ATP2C1: variants seen among roughly 807,000 people sequenced by gnomAD.
ATP2C1 encodes ATPase secretory pathway Ca2+ transporting 1, also known as calcium-transporting ATPase type 2C member 1.
A neutral mutation model predicts 120.5 loss-of-function variants in ATP2C1; 31 were observed. The observed-to-expected ratio is 0.26, with a 90% CI of 0.19 to 0.35. ATP2C1 has a LOEUF of 0.35. Among genes scored for constraint, ATP2C1 ranks in the 10% least tolerant of loss-of-function variants. The pLI is 1.00. For synonymous variants in ATP2C1, 351 were observed against 358.7 expected, an observed-to-expected ratio of 0.98 and a Z score of 0.24; for missense variants, 731 against 1,107.5, an observed-to-expected ratio of 0.66 and a Z score of 4.83.
intron 2 of ATP2C1, among the ~76,000 whole-genome samples, chr3:130,912,823 A>G (rs2058496822): frequency 1.3e-5 from 2 of 152,112 alleles, no homozygotes; most frequent in African/African-American, 4.8e-5. Context: ...TTGCGGCATT[A>G]TTCACAATAG....
At chr3:130,970,369 TACACACACACACACACACAC>T (rs201337484) in intron 17 of ATP2C1, among the ~76,000 whole-genome samples, 10 of 130,730 alleles carry the variant, frequency 7.6e-5, no homozygotes, top group Admixed American at 3.1e-4. Flanking sequence ...AAAAAAAAAT[TACACACACACACACACACAC>T]ACACACACAC....
At chr3:130,854,640 A>T (rs1219224668) in intron 1 of ATP2C1, among the ~76,000 whole-genome samples, 1 of 152,106 alleles carries the variant, frequency 6.6e-6, no homozygotes, top group Non-Finnish European at 1.5e-5. Flanking sequence ...TAGCCTGGAG[A>T]TGCCTGCCAA....
chr3:130,943,782 G>A (rs1297261077), intron 8 of ATP2C1, among the ~76,000 whole-genome samples: 1 of 152,152 alleles, frequency 6.6e-6, no homozygotes, highest in African/African-American at 2.4e-5. Flanking sequence ...TACTTTGACT[G>A]CAGATTGAAA....
chr3:130,874,153 A>G (rs893864393), intron 1 of ATP2C1, among the ~76,000 whole-genome samples: 2 of 151,958 alleles, frequency 1.3e-5, no homozygotes, highest in African/African-American at 2.4e-5. Context: ...TAAGAAAAAA[A>G]TCTAGTGCCC....
intron 26 of ATP2C1, among the ~76,000 whole-genome samples, chr3:130,999,235 G>T (rs555205158): frequency 2.2e-4 from 33 of 152,218 alleles, no homozygotes; most frequent in African/African-American, 7.9e-4. Context: ...CTTGATGTTT[G>T]GGATGTTAAA....
chr3:130,865,302 C>T (rs559116618), intron 1 of ATP2C1, among the ~76,000 whole-genome samples: 1 of 152,308 alleles, frequency 6.6e-6, no homozygotes, highest in African/African-American at 2.4e-5. Context: ...CCTGTACCTC[C>T]ATTGTATCTA....
chr3:130,894,180 TC>T lies in ATP2C1; in HGVS notation c.-336del, dbSNP rs2107897366. 1.7e-6 allele frequency: 1 copy of T among 596,062 alleles called. No homozygotes were observed. The highest frequency in any genetic ancestry group is 1.6e-4 in the East Asian group (1 of 6,222). 36.9% of individuals were successfully genotyped at this position (596,062 alleles called of 1,614,324 possible). A position where few individuals can be genotyped will look rare whatever the true frequency, so the allele number is the denominator to read the frequency against. On this transcript the variant is annotated 5_prime_UTR_variant, in exon 1 of 28. Transcript: ENST00000510168. The surrounding 1 kb of genome is among the most constrained non-coding windows in gnomAD (Gnocchi z 4.5). Reference sequence around the variant, plus strand: ...CCCCGCCCGCCCTCTCTCCCTCCCTTCCTCCCTCCCGCTCGCTTCTTCTCAC... The same window carrying T: ...CCCCGCCCGCCCTCTCTCCCTCCCTTCTCCCTCCCGCTCGCTTCTTCTCAC...
rs117992663 is a variant in ATP2C1 at position 131,012,103 on chromosome 3, T to A, written c.2630-4049T>A. 3.4e-3 allele frequency among the ~76,000 whole-genome samples: 521 copies of A among 152,198 alleles called. 16 individuals carry two copies. The highest frequency in any genetic ancestry group is 0.023 in the Admixed American group (348 of 15,286). On this transcript the variant is annotated intron_variant, in intron 26 of 26. Transcript: ENST00000328560. ...GGACACTTTTAATGAAAGAAAAACA[T>A]GGTAGATGTAATTCAGTGGTTTTAA...
chr3:130,858,501 C>G (rs994668666), intron 1 of ATP2C1, among the ~76,000 whole-genome samples: 4 of 152,178 alleles, frequency 2.6e-5, no homozygotes, highest in Non-Finnish European at 4.4e-5. Flanking sequence ...TTCATTACAT[C>G]CTTTGAAGGC....
intron 2 of ATP2C1, among the ~76,000 whole-genome samples, chr3:130,907,734 T>C (rs533512711): frequency 1.3e-5 from 2 of 151,890 alleles, no homozygotes; most frequent in Admixed American, 1.3e-4. Flanking sequence ...GCCTTTCTTT[T>C]TTTTTTTTTT....
intron 1 of ATP2C1, among the ~76,000 whole-genome samples, chr3:130,884,995 G>A (rs1027570631): frequency 1.4e-5 from 2 of 147,754 alleles, no homozygotes; most frequent in Non-Finnish European, 3.0e-5. Flanking sequence ...GTACAATGGC[G>A]CGATTTTGGC....
At chr3:130,925,627 A>G (rs893092222) in intron 2 of ATP2C1, among the ~76,000 whole-genome samples, 4 of 152,194 alleles carry the variant, frequency 2.6e-5, no homozygotes, top group Non-Finnish European at 5.9e-5. Context: ...TTTGCCCTAG[A>G]GACACTTGGT....
At position 130,965,055 on chromosome 3, in the gene ATP2C1, A is replaced by G; in HGVS notation, c.1122+10A>G. The G allele has an allele frequency of 6.3e-7, 1 of 1,593,882 alleles. No homozygotes were observed. Among genetic ancestry groups the G allele is most frequent in the Non-Finnish European group, 8.6e-7 (1 of 1,162,448 alleles). ...TGGTCTGCATGCTGAGGTACTCTAT[A>G]GGTTTTTAAAAACAAACAAAAACAG... is the stretch of plus-strand genomic sequence containing the variant. On this transcript the variant is annotated intron_variant, in intron 14 of 27. Transcript: ENST00000510168.
intron 26 of ATP2C1, chr3:131,014,060 T>C (rs371391740): frequency 1.3e-6 from 2 of 1,566,446 alleles, no homozygotes; most frequent in African/African-American, 2.8e-5. Flanking sequence ...CTGAGTTTTA[T>C]TCAATGTTGG....
At chr3:130,890,938 T>G (rs904130410), upstream of ATP2C1, among the ~76,000 whole-genome samples, 2 of 152,164 alleles carry the variant, frequency 1.3e-5, no homozygotes, top group African/African-American at 4.8e-5. Flanking sequence ...TTGCCAGGCA[T>G]GGTGGTTCAT....
chr3:130,918,198 G>A lies in ATP2C1; in HGVS notation c.7-12218G>A. On this transcript the variant is annotated intron_variant, in intron 2 of 27. Coordinates refer to ENST00000510168, the MANE Select transcript of ATP2C1 (RefSeq NM_001378687.1). ...TATGAAGAGATTCTCAGTGTGTGAT[G>A]CTTGGTTCTGGGTTTACACCTTACT... 3.3e-6 allele frequency: 4 copies of A among 1,212,684 alleles called. 1 individual carries two copies. In the South Asian group the frequency reaches 4.8e-5, roughly 15 times the overall value. The allele number at this position is 1,212,684 out of a possible 1,614,324, so 75.1% of individuals were successfully genotyped here. A position where few individuals can be genotyped will look rare whatever the true frequency, so the allele number is the denominator to read the frequency against.
intron 2 of ATP2C1, among the ~76,000 whole-genome samples, chr3:130,916,068 A>T (rs1427093822): frequency 6.6e-6 from 1 of 152,202 alleles, no homozygotes; most frequent in East Asian, 1.9e-4. Context: ...GTCTCCTATT[A>T]GGTAACATTC....
At chr3:130,874,722 A>G (rs938225151) in intron 1 of ATP2C1, among the ~76,000 whole-genome samples, 4 of 152,166 alleles carry the variant, frequency 2.6e-5, no homozygotes, top group Admixed American at 2.6e-4. Context: ...TGCCATTCTT[A>G]GTATTGTCTT....
intron 1 of ATP2C1, chr3:130,856,260 AC>A (rs1189580065): frequency 1.3e-5 from 2 of 152,152 alleles, no homozygotes; most frequent in African/African-American, 4.8e-5. Flanking sequence ...TCAAAGTTGC[AC>A]TGTTAAATAA....
Sources: gnomAD v4.1 joint callset for allele counts (sites outside exome capture counted in the v4.1 genomes callset) on GRCh38, gnomAD v4.1.1 for gene constraint, Gnocchi (gnomAD v3.1) non-coding constraint, MANE v1.5 for transcripts, NCBI Gene and HGNC (gene_info 2026-07-23, HGNC 2026-07-21) for gene names.